Variants in TTLL7 observed in about 807,000 individuals in gnomAD.
TTLL7 encodes tubulin tyrosine ligase like 7, also known as tubulin polyglutamylase TTLL7.
In TTLL7, 53 loss-of-function variants were observed where a neutral mutation model predicts 120.2. That is an observed-to-expected ratio of 0.44 (90% CI 0.35 to 0.55). The LOEUF is 0.55. TTLL7 is among the 20% of genes least tolerant of loss of function. TTLL7 has a pLI of 0.00. For synonymous variants in TTLL7, 353 were observed against 351.7 expected, an observed-to-expected ratio of 1.00 and a Z score of -0.04; for missense variants, 803 against 1,054.7, an observed-to-expected ratio of 0.76 and a Z score of 3.31.
At chr1:83,907,805 A>G in intron 15 of TTLL7, 144 bp from the exon 16 acceptor site, 1 of 736,458 alleles carries the variant, frequency 1.4e-6, no homozygotes, top group East Asian at 2.7e-5. Flanking sequence ...TCATGAGAAT[A>G]TGAGTTTGGA....
intron 1 of TTLL7, among the ~76,000 whole-genome samples, chr1:83,953,960 G>C (rs1054044348): frequency 2.0e-5 from 3 of 152,120 alleles, no homozygotes; most frequent in Admixed American, 6.6e-5. Context: ...CCAATGCCAA[G>C]CTGGAAACAG....
chr1:83,933,713 A>G lies in TTLL7; in HGVS notation c.942T>C (p.Tyr314=). 6.2e-7 allele frequency: 1 copy of G among 1,613,694 alleles called. No individual in the cohort carries two copies. The highest frequency in any genetic ancestry group is 8.5e-7 in the Non-Finnish European group (1 of 1,179,686). Residue 314 remains tyrosine (Y), a synonymous_variant, in exon 9 of 21, where the codon TAT becomes TAC. Transcript: ENST00000260505. ...IVAEPHVLHA[Y]RMCRPGQPPG... is the part of the protein sequence containing the mutation. Reference sequence around the variant, plus strand: ...GAGGTTGACCAGGTCTACACATTCGATAGGCATGCAGGACATGAGGTTCTG... The same window carrying G: ...GAGGTTGACCAGGTCTACACATTCGGTAGGCATGCAGGACATGAGGTTCTG...
intron 18 of TTLL7, among the ~76,000 whole-genome samples, chr1:83,892,938 G>GAAAAGAAAGAA (rs71582909): frequency 2.3e-5 from 1 of 42,582 alleles, no homozygotes; most frequent in Non-Finnish European, 4.9e-5. Flanking sequence ...GAGAAAGAAA[G>GAAAAGAAAGAA]AAAGAAAGAA....
rs977747648 is a variant in TTLL7 at position 83,866,782 on chromosome 1, GAAT to G, written c.*3177_*3179del. 5 of 151,848 alleles carry G rather than the reference GAAT, an allele frequency of 3.3e-5. No individual in the cohort carries two copies. The highest frequency in any genetic ancestry group is 1.5e-5 in the Non-Finnish European group (1 of 67,802). 9.4% of individuals were successfully genotyped at this position (151,848 alleles called of 1,614,324 possible). A position where few individuals can be genotyped will look rare whatever the true frequency, so the allele number is the denominator to read the frequency against. ...TTGCTAGTAAAATTAATCAAAATAT[GAAT>G]AACAATAGTTTCTTCAATAGATTAT... On this transcript the variant is annotated 3_prime_UTR_variant, in exon 21 of 21. Coordinates refer to ENST00000260505, the MANE Select transcript of TTLL7 (RefSeq NM_024686.6).
At chr1:83,905,768 G>C (rs559078337) in intron 17 of TTLL7, among the ~76,000 whole-genome samples, 1 of 152,008 alleles carries the variant, frequency 6.6e-6, no homozygotes, top group South Asian at 2.1e-4. Context: ...TAAGTCACTG[G>C]TTTTAATGTG....
intron 14 of TTLL7, among the ~76,000 whole-genome samples, chr1:83,912,018 G>A (rs1169664537): frequency 1.3e-5 from 2 of 152,110 alleles, no homozygotes; most frequent in Non-Finnish European, 2.9e-5. Flanking sequence ...AAAATTTTTA[G>A]TTAACTGTCC....
chr1:83,919,661 T>G, intron 13 of TTLL7, 38 bp downstream of exon 13: 4 of 1,564,382 alleles, frequency 2.6e-6, no homozygotes, highest in Non-Finnish European at 3.5e-6. Flanking sequence ...TTGTTTAGCT[T>G]TATTCTTTTT....
chr1:83,892,729 C>CACATATATGTGAGCACATATGTGA (rs1655781210), intron 18 of TTLL7, among the ~76,000 whole-genome samples: 1 of 32,938 alleles, frequency 3.0e-5, no homozygotes, highest in Non-Finnish European at 5.8e-5. Flanking sequence ...TATATGTGAA[C>CACATATATGTGAGCACATATGTGA]ACATATATAT....
At chr1:83,912,265 C>G (rs1228343406) in intron 14 of TTLL7, among the ~76,000 whole-genome samples, 2 of 152,108 alleles carry the variant, frequency 1.3e-5, no homozygotes, top group African/African-American at 4.8e-5. Context: ...TTACGTGTTA[C>G]CATCCCTATT....
At chr1:83,951,762 T>C (rs967448492) in intron 3 of TTLL7, 83 bp downstream of exon 3, 7 of 1,441,242 alleles carry the variant, frequency 4.9e-6, no homozygotes, top group African/African-American at 1.4e-5. Context: ...AGTTATCTCT[T>C]TGGATTTCTA....
At chr1:83,979,900 A>T (rs957148030) in intron 1 of TTLL7, 3 of 152,228 alleles carry the variant, frequency 2.0e-5, no homozygotes, top group Non-Finnish European at 4.4e-5. Flanking sequence ...ATGAAAACAA[A>T]ATCAACTCTA....
At chr1:83,889,101 C>T (rs914491775) in intron 19 of TTLL7, among the ~76,000 whole-genome samples, 1 of 152,088 alleles carries the variant, frequency 6.6e-6, no homozygotes, top group Admixed American at 6.6e-5. Flanking sequence ...ACTCATAGTT[C>T]AGCATGGCTG....
chr1:83,879,110 G>A (rs1654216017), intron 20 of TTLL7, among the ~76,000 whole-genome samples: 1 of 151,708 alleles, frequency 6.6e-6, no homozygotes, highest in Admixed American at 6.6e-5. Flanking sequence ...ATATTACCAA[G>A]TATACTTCAT....
At chr1:83,994,835 A>G (rs1448733653) in intron 1 of TTLL7, among the ~76,000 whole-genome samples, 3 of 152,212 alleles carry the variant, frequency 2.0e-5, no homozygotes, top group Non-Finnish European at 2.9e-5. Flanking sequence ...GTGCCTTGCA[A>G]TATCAGGACC....
In TTLL7 at chr1:83,869,729, C is replaced by T. The variant is rs1132122; in HGVS notation, c.*233G>A. On this transcript the variant is annotated 3_prime_UTR_variant, in exon 21 of 21. Coordinates refer to ENST00000260505, the MANE Select transcript of TTLL7 (RefSeq NM_024686.6). ...TAAACAATTTTAACATGGTTTATTA[C>T]GTTTCCAGAAAGGTTAAGTCTTATA... is the stretch of plus-strand genomic sequence containing the variant. 63,562 of 258,234 alleles carry T rather than the reference C, an allele frequency of 0.25. 10,181 individuals carry two copies. Among genetic ancestry groups the T allele is most frequent in the East Asian group, 0.62 (7,843 of 12,640 alleles). The allele number at this position is 258,234 out of a possible 1,614,324, so 16.0% of individuals were successfully genotyped here. A position where few individuals can be genotyped will look rare whatever the true frequency, so the allele number is the denominator to read the frequency against.
intron 1 of TTLL7, among the ~76,000 whole-genome samples, chr1:83,953,834 T>C (rs1272397423): frequency 6.6e-6 from 1 of 152,172 alleles, no homozygotes; most frequent in East Asian, 1.9e-4. Flanking sequence ...TATAGACATA[T>C]GAGAAGTTTC....
chr1:83,873,564 G>A (rs1454321990), intron 20 of TTLL7, among the ~76,000 whole-genome samples: 1 of 152,036 alleles, frequency 6.6e-6, no homozygotes, highest in Non-Finnish European at 1.5e-5. Context: ...TTGCTAACTC[G>A]TGCCAAGGAG....
chr1:83,921,308 A>G lies in TTLL7; in HGVS notation c.1229T>C (p.Leu410Ser). The G allele has an allele frequency of 1.9e-6, 3 of 1,613,156 alleles. No individual in the cohort carries two copies. The highest frequency in any genetic ancestry group is 2.5e-6 in the Non-Finnish European group (3 of 1,179,796). Reference protein sequence around the residue: ...LYGQNSIKRLLPGSSDWEQQR... With the variant: ...LYGQNSIKRLSPGSSDWEQQR... ...CTGTTCCCAGTCTGAGGAGCCTGGT[A>G]AGAGCCTTTTAATTGAATTTTGACC... Residue 410 changes from leucine (L) to serine (S), a missense_variant, in exon 11 of 21, where the codon TTA becomes TCA. By Grantham distance (145) the Leu-to-Ser change is moderately radical. Transcript: ENST00000260505.
intron 9 of TTLL7, among the ~76,000 whole-genome samples, chr1:83,932,072 A>AC (rs574314973): frequency 8.5e-4 from 129 of 152,310 alleles, no homozygotes; most frequent in African/African-American, 2.9e-3. Flanking sequence ...ATTCATGCAA[A>AC]CAATGGTTAT....
Sources: allele counts gnomAD v4.1 joint callset (sites outside exome capture counted in the v4.1 genomes callset), GRCh38; gene constraint gnomAD v4.1.1; transcripts MANE v1.5; gene names NCBI Gene and HGNC (gene_info 2026-07-23, HGNC 2026-07-21).